The following CPQ variants were observed in gnomAD, a reference collection of about 807,000 sequenced individuals.
The protein encoded by CPQ is carboxypeptidase Q, also known as Ser-Met dipeptidase.
Under a neutral mutation model 45.7 loss-of-function variants are expected in CPQ, and 37 were observed. The ratio of observed to expected loss-of-function variants is 0.81; its 90% CI spans 0.62 to 1.07. CPQ has a LOEUF of 1.07. Among genes scored for constraint, CPQ ranks in the 50% least tolerant of loss-of-function variants. The pLI is 0.00. For synonymous variants in CPQ, 186 were observed against 205.8 expected (o/e 0.90, Z 0.82); for missense variants, 537 against 572.9 (o/e 0.94, Z 0.64).
intron 2 of CPQ, among the ~76,000 whole-genome samples, chr8:96,786,990 T>C (rs1056852677): frequency 2.0e-5 from 3 of 152,146 alleles, no homozygotes; most frequent in African/African-American, 7.2e-5. Flanking sequence ...TTCTTTTTTT[T>C]TGATGGCAAT....
In CPQ at chr8:96,739,167, A is replaced by G. The variant is rs1348089578; in HGVS notation, c.-34-45697A>G. The stretch of plus-strand genomic sequence containing the variant: ...TGATTGCCATTCTAACTGGTGTGAG[A>G]TGGTATCTCATTGTGGTTTTGATTT... On this transcript the variant is annotated intron_variant, in intron 1 of 7. Transcript: ENST00000220763. 4.1e-5 allele frequency among the ~76,000 whole-genome samples: 6 copies of G among 146,612 alleles called. No homozygotes were observed. In the East Asian group the frequency reaches 1.2e-3, roughly 30 times the overall value.
chr8:97,137,814 G>T (rs1048559345), intron 7 of CPQ, among the ~76,000 whole-genome samples: 2 of 152,030 alleles, frequency 1.3e-5, no homozygotes, highest in Non-Finnish European at 2.9e-5. Flanking sequence ...CTGTAGTCCC[G>T]GGAGGCGGAG....
chr8:97,106,535 T>A (rs1158996278), intron 7 of CPQ, among the ~76,000 whole-genome samples: 2 of 152,252 alleles, frequency 1.3e-5, no homozygotes, highest in Non-Finnish European at 2.9e-5. Flanking sequence ...ACTGGCCACA[T>A]GTGGCTAATA....
At chr8:96,777,995 T>C (rs1284164158) in intron 1 of CPQ, among the ~76,000 whole-genome samples, 1 of 150,950 alleles carries the variant, frequency 6.6e-6, no homozygotes, top group African/African-American at 2.4e-5. Flanking sequence ...CCCAAAGTGC[T>C]GGGATTACAG....
chr8:96,694,530 G>A (rs577293280), intron 1 of CPQ, among the ~76,000 whole-genome samples: 5 of 152,054 alleles, frequency 3.3e-5, no homozygotes, highest in South Asian at 2.1e-4. Context: ...TAGGCCACAA[G>A]ACAAGTCTTA....
At chr8:96,720,207 C>G (rs1809744401) in intron 1 of CPQ, among the ~76,000 whole-genome samples, 1 of 152,130 alleles carries the variant, frequency 6.6e-6, no homozygotes, top group South Asian at 2.1e-4. Context: ...TTTAAAATAG[C>G]TGTCTGAAAG....
In CPQ at chr8:97,065,989, C is replaced by A. The variant is rs780792427; in HGVS notation, c.1054-20C>A. 6.2e-7 allele frequency: 1 copy of A among 1,607,776 alleles called. No homozygotes were observed. Among genetic ancestry groups the A allele is most frequent in the Non-Finnish European group, 8.5e-7 (1 of 1,177,856 alleles). ...ACTGAAGCAACAGATAAGAACCAAA[C>A]AATTTTCTCTTGTGTTTAGGTAAAT... On this transcript the variant is annotated intron_variant, in intron 6 of 7. Transcript: ENST00000220763.
chr8:96,762,423 T>C (rs1233579261), intron 1 of CPQ, among the ~76,000 whole-genome samples: 3 of 152,274 alleles, frequency 2.0e-5, no homozygotes, highest in African/African-American at 7.2e-5. Context: ...TAAGAAAGCA[T>C]ATATCATATT....
intron 2 of CPQ, among the ~76,000 whole-genome samples, chr8:96,813,806 T>C (rs1036143596): frequency 3.3e-5 from 5 of 152,116 alleles, no homozygotes; most frequent in Non-Finnish European, 7.4e-5. Flanking sequence ...TCTGTCTTAC[T>C]AATAGGGCCC....
chr8:96,677,392 T>C (rs371189295), intron 1 of CPQ, among the ~76,000 whole-genome samples: 163 of 152,298 alleles, frequency 1.1e-3, no homozygotes, highest in African/African-American at 3.7e-3. Flanking sequence ...TGGTATCTCA[T>C]TGTGGTTTTG....
intron 1 of CPQ, among the ~76,000 whole-genome samples, chr8:96,783,061 C>T (rs1810711210): frequency 6.6e-6 from 1 of 152,200 alleles, no homozygotes; most frequent in Admixed American, 6.6e-5. Flanking sequence ...GACTTTCTCT[C>T]TGGCTCATCT....
chr8:96,876,391 ACTT>A (rs1375005191), intron 3 of CPQ, among the ~76,000 whole-genome samples: 1 of 152,086 alleles, frequency 6.6e-6, no homozygotes, highest in African/African-American at 2.4e-5. Context: ...AGATACTTTT[ACTT>A]CTTCTTTTCC....
chr8:96,908,466 A>G (rs1170074795), intron 4 of CPQ, among the ~76,000 whole-genome samples: 2 of 152,116 alleles, frequency 1.3e-5, no homozygotes, highest in Non-Finnish European at 1.5e-5. Context: ...GGACAGGTTC[A>G]TGGATTTAGA....
chr8:96,646,553 CTGTT>C (rs1815521590), intron 1 of CPQ, among the ~76,000 whole-genome samples: 1 of 152,206 alleles, frequency 6.6e-6, no homozygotes, highest in Admixed American at 6.5e-5. Flanking sequence ...AGACGCTTAT[CTGTT>C]TGTAAACAAA....
At chr8:97,130,298 G>T (rs954021979) in intron 7 of CPQ, among the ~76,000 whole-genome samples, 8 of 152,138 alleles carry the variant, frequency 5.3e-5, no homozygotes, top group African/African-American at 1.7e-4. Context: ...GGCATCTGCA[G>T]CAGCAAATCT....
chr8:96,863,031 C>T (rs1811947938), intron 3 of CPQ, among the ~76,000 whole-genome samples: 1 of 152,052 alleles, frequency 6.6e-6, no homozygotes, highest in Admixed American at 6.6e-5. Flanking sequence ...TTTCACTAGC[C>T]TTCTACATGA....
chr8:97,084,352 T>C (rs983638875), intron 7 of CPQ, among the ~76,000 whole-genome samples: 5 of 152,162 alleles, frequency 3.3e-5, no homozygotes, highest in Admixed American at 1.3e-4. Context: ...GGCAATGTGA[T>C]CTTTTGCTTC....
intron 2 of CPQ, among the ~76,000 whole-genome samples, chr8:96,831,168 G>A (rs1429426129): frequency 6.6e-6 from 1 of 152,096 alleles, no homozygotes; most frequent in Admixed American, 6.6e-5. Context: ...AGAGTGATCA[G>A]GGATGGGGTA....
In CPQ at chr8:96,652,682, G is replaced by T. The variant is rs552168222; in HGVS notation, c.-35+7280G>T. 4.1e-4 allele frequency among the ~76,000 whole-genome samples: 62 copies of T among 152,236 alleles called. 1 individual carries two copies. In the South Asian group the frequency reaches 0.012, roughly 31 times the overall value. On this transcript the variant is annotated intron_variant, in intron 1 of 7. Coordinates refer to ENST00000220763, the MANE Select transcript of CPQ (RefSeq NM_016134.4). The stretch of plus-strand genomic sequence containing the variant: ...GAGTCTTGCTCTATCGCCCAAGCTG[G>T]AGTGCAGTGGCGCCATCTCTGCTCA...
Sources: allele counts gnomAD v4.1 joint callset (sites outside exome capture counted in the v4.1 genomes callset), GRCh38; gene constraint gnomAD v4.1.1; transcripts MANE v1.5; gene names NCBI Gene and HGNC (gene_info 2026-07-23, HGNC 2026-07-21).